Variants in RARB observed in about 807,000 individuals in gnomAD.
RARB encodes the protein HBV-activated protein.
Under a neutral mutation model 51.9 loss-of-function variants are expected in RARB, and 17 were observed. The observed-to-expected ratio is 0.33, with a 90% confidence interval of 0.22 to 0.49. RARB has a LOEUF of 0.49. Ranked by LOEUF, RARB falls within the 20% of genes least tolerant of loss-of-function variation. RARB has a pLI of 0.99. For synonymous variants in RARB, 215 were observed against 195.4 expected (o/e 1.10, Z -0.84); for missense variants, 369 against 550.8 (o/e 0.67, Z 3.30).
At chr3:25,315,866 G>A (rs796115873) in intron 5 of RARB, among the ~76,000 whole-genome samples, 18 of 151,842 alleles carry the variant, frequency 1.2e-4, no homozygotes, top group African/African-American at 3.6e-4. Flanking sequence ...GGTTCTGCCC[G>A]CCTCAGCCTC....
At chr3:24,960,281 T>C (rs1490602571) in intron 2 of RARB, among the ~76,000 whole-genome samples, 1 of 147,628 alleles carries the variant, frequency 6.8e-6, no homozygotes, top group Non-Finnish European at 1.5e-5. Context: ...TCTTATGAAA[T>C]TGGTGTATTC....
chr3:24,860,154 T>G (rs2125341274), intron 2 of RARB, among the ~76,000 whole-genome samples: 1 of 152,302 alleles, frequency 6.6e-6, no homozygotes, highest in East Asian at 1.9e-4. Context: ...TCAGAGGGGT[T>G]AGTGCCTCTT....
intron 2 of RARB, among the ~76,000 whole-genome samples, chr3:25,473,172 G>C (rs566097070): frequency 6.6e-6 from 1 of 152,088 alleles, no homozygotes; most frequent in African/African-American, 2.4e-5. Context: ...GTGCCTTTTA[G>C]GAACTATGTC....
intron 2 of RARB, among the ~76,000 whole-genome samples, chr3:25,002,916 C>G (rs1697197031): frequency 6.6e-6 from 1 of 151,882 alleles, no homozygotes; most frequent in African/African-American, 2.4e-5. Context: ...GGTTCCTGGC[C>G]AATTTTATAT....
intron 5 of RARB, among the ~76,000 whole-genome samples, chr3:25,255,809 AT>A (rs1164113468): frequency 6.6e-6 from 1 of 152,174 alleles, no homozygotes; most frequent in African/African-American, 2.4e-5. Flanking sequence ...TTTTAAAAAA[AT>A]GATCATTTTT....
intron 2 of RARB, among the ~76,000 whole-genome samples, chr3:24,907,497 A>AACG (rs1187755067): frequency 7.1e-4 from 108 of 152,328 alleles, no homozygotes; most frequent in African/African-American, 2.2e-3. Flanking sequence ...ATTATTATTA[A>AACG]ATGTGGTTAA....
At chr3:25,568,591 C>T (rs192785987) in intron 3 of RARB, among the ~76,000 whole-genome samples, 2 of 152,318 alleles carry the variant, frequency 1.3e-5, no homozygotes, top group African/African-American at 4.8e-5. Flanking sequence ...CCCTCAGCTC[C>T]TACCCCAAAT....
intron 3 of RARB, among the ~76,000 whole-genome samples, chr3:25,528,133 C>T (rs1268103013): frequency 2.0e-5 from 3 of 152,202 alleles, no homozygotes; most frequent in African/African-American, 7.2e-5. Flanking sequence ...GGAAGGAAGA[C>T]AGACAGACTT....
chr3:25,312,907 A>G (rs957527083), intron 5 of RARB, among the ~76,000 whole-genome samples: 2 of 152,140 alleles, frequency 1.3e-5, no homozygotes, highest in Non-Finnish European at 2.9e-5. Context: ...AATGATCTGT[A>G]CTTTTCATCA....
intron 5 of RARB, among the ~76,000 whole-genome samples, chr3:25,365,692 T>A (rs1457620409): frequency 1.3e-5 from 2 of 152,188 alleles, no homozygotes; most frequent in African/African-American, 4.8e-5. Flanking sequence ...GTGTCTGTTA[T>A]CTGGGCTAGG....
intron 3 of RARB, among the ~76,000 whole-genome samples, chr3:25,123,921 C>G (rs1699823409): frequency 6.6e-6 from 1 of 152,192 alleles, no homozygotes; most frequent in Non-Finnish European, 1.5e-5. Context: ...CTGCTCATAT[C>G]TTATTGGCCA....
At chr3:25,005,062 G>T (rs1389262804) in intron 2 of RARB, among the ~76,000 whole-genome samples, 1 of 152,078 alleles carries the variant, frequency 6.6e-6, no homozygotes, top group Non-Finnish European at 1.5e-5. Context: ...GGTAAAGCTA[G>T]TGTTTCTAGT....
intron 2 of RARB, among the ~76,000 whole-genome samples, chr3:25,027,253 AG>A (rs1238990308): frequency 6.6e-6 from 1 of 152,114 alleles, no homozygotes; most frequent in Admixed American, 6.6e-5. Flanking sequence ...AGAGTTTGGA[AG>A]GGGGAGCGAG....
intron 2 of RARB, among the ~76,000 whole-genome samples, chr3:25,020,780 G>A (rs1437158580): frequency 1.3e-5 from 2 of 152,072 alleles, no homozygotes; most frequent in Non-Finnish European, 2.9e-5. Context: ...ATGAATGCTT[G>A]AGGATCTCAT....
At chr3:24,944,770 C>A (rs1695739279) in intron 2 of RARB, among the ~76,000 whole-genome samples, 1 of 152,140 alleles carries the variant, frequency 6.6e-6, no homozygotes, top group African/African-American at 2.4e-5. Flanking sequence ...TATTCTTAAC[C>A]ATCTGGATGA....
chr3:25,191,871 G>T (rs1701112345), intron 5 of RARB, among the ~76,000 whole-genome samples: 1 of 152,096 alleles, frequency 6.6e-6, no homozygotes, highest in Non-Finnish European at 1.5e-5. Flanking sequence ...ACATAGTCAA[G>T]GAATCTTGTG....
chr3:25,064,683 A>G (rs1339364449), intron 3 of RARB, among the ~76,000 whole-genome samples: 1 of 152,134 alleles, frequency 6.6e-6, no homozygotes, highest in Non-Finnish European at 1.5e-5. Flanking sequence ...TCCAAATTAT[A>G]TTTTTAGGAA....
intron 4 of RARB, among the ~76,000 whole-genome samples, chr3:25,135,068 G>C (rs1700011667): frequency 6.8e-6 from 1 of 146,560 alleles, no homozygotes; most frequent in Non-Finnish European, 1.5e-5. Flanking sequence ...TTTTTTTTTG[G>C]TCTGAGTTTA....
At chr3:25,259,659 G>A (rs941539890) in intron 5 of RARB, among the ~76,000 whole-genome samples, 14 of 152,168 alleles carry the variant, frequency 9.2e-5, no homozygotes, top group Admixed American at 4.6e-4. Context: ...CGTTACAGCA[G>A]CTAGTATGAG....
Sources: allele counts gnomAD v4.1 joint callset (sites outside exome capture counted in the v4.1 genomes callset), GRCh38; gene constraint gnomAD v4.1.1; transcripts MANE v1.5; gene names NCBI Gene and HGNC (gene_info 2026-07-23, HGNC 2026-07-21).